The following STMN1 variants were observed in gnomAD, a reference collection of about 807,000 sequenced individuals.
STMN1 encodes stathmin 1.
Under a neutral mutation model 19.7 loss-of-function variants are expected in STMN1, and 3 were observed. That is an observed-to-expected ratio of 0.15 (90% CI 0.07 to 0.39). The LOEUF is 0.39. Ranked by LOEUF, STMN1 falls within the 10% of genes least tolerant of loss-of-function variation. The pLI is 1.00. For synonymous variants in STMN1, 59 were observed against 58.9 expected, an observed-to-expected ratio of 1.00 and a Z score of -0.01; for missense variants, 99 against 176.0, an observed-to-expected ratio of 0.56 and a Z score of 2.48.
At chr1:25,890,591 G>A (rs114725643) in intron 4 of STMN1, among the ~76,000 whole-genome samples, 53 of 152,338 alleles carry the variant, frequency 3.5e-4, no homozygotes, top group African/African-American at 1.2e-3. Flanking sequence ...CCAGGTTTCC[G>A]GCATTGTGCC....
intron 1 of STMN1, 112 bp from the exon 2 acceptor site, chr1:25,904,850 T>C: frequency 1.6e-6 from 1 of 617,892 alleles, no homozygotes; most frequent in Non-Finnish European, 2.6e-6. Flanking sequence ...ATACGTGGAA[T>C]AAAGACGTCT....
chr1:25,904,859 C>CT lies in STMN1; in HGVS notation c.-62-122dup, dbSNP rs529902463. 471 of 551,062 alleles carry CT rather than the reference C, an allele frequency of 8.5e-4. 2 individuals carry two copies. Among genetic ancestry groups the CT allele is most frequent in the Non-Finnish European group, 1.3e-3 (419 of 333,622 alleles). The allele number at this position is 551,062 out of a possible 1,614,324, so 34.1% of individuals were successfully genotyped here. The stretch of plus-strand genomic sequence containing the variant: ...AGAAAAATACGTGGAATAAAGACGT[C>CT]TAAATTAACCACGAAAAAAATTATC... On this transcript the variant is annotated intron_variant, in intron 1 of 4. Transcript: ENST00000455785.
Position 25,900,759 on chromosome 1 carries a change from A to T in STMN1, c.*257T>A. On this transcript the variant is annotated 3_prime_UTR_variant, in exon 5 of 5. Coordinates refer to ENST00000455785, the MANE Select transcript of STMN1 (RefSeq NM_005563.4). ...GCCATTAACCCAGTACACCAAGTGT[A>T]CTGAAGTAGAAAAGATGCAACAAGA... 2 of 1,299,472 alleles carry T rather than the reference A, an allele frequency of 1.5e-6. No individual in the cohort carries two copies. The highest frequency in any genetic ancestry group is 2.0e-6 in the Non-Finnish European group (2 of 1,023,868). 80.5% of individuals were successfully genotyped at this position (1,299,472 alleles called of 1,614,324 possible). A position where few individuals can be genotyped will look rare whatever the true frequency, so the allele number is the denominator to read the frequency against.
intron 4 of STMN1, chr1:25,889,227 A>G (rs1361584474): frequency 3.6e-6 from 1 of 277,344 alleles, no homozygotes; most frequent in African/African-American, 2.3e-5. Flanking sequence ...TTGGGAATAC[A>G]TTTTTCCTCT....
At chr1:25,892,320 C>T (rs1178851216) in intron 4 of STMN1, among the ~76,000 whole-genome samples, 2 of 148,080 alleles carry the variant, frequency 1.4e-5, no homozygotes, top group African/African-American at 2.5e-5. Context: ...ACCCAGGAGG[C>T]GGAGGTTGCA....
chr1:25,901,045 C>A lies in STMN1; in HGVS notation c.421G>T (p.Asp141Tyr). 1 of 1,577,118 alleles carries A rather than the reference C, an allele frequency of 6.3e-7. No individual in the cohort carries two copies. The highest frequency in any genetic ancestry group is 1.1e-5 in the South Asian group (1 of 90,252). The stretch of plus-strand genomic sequence containing the variant: ...TCAGCTTCAGTCTCGTCAGCAGGGT[C>A]TTTGGATTCTTTGTTCTTCCGCACT... ...EEVRKNKESK[D>Y]PADETEAD Residue 141 changes from aspartate (D) to tyrosine (Y), a missense_variant, in exon 5 of 5, where the codon GAC becomes TAC. Around this residue, in one of 3 missense-constraint regions of STMN1, gnomAD observed 54 missense variants for 79.4 expected, o/e 0.68. Transcript: ENST00000455785.
chr1:25,901,478 G>A lies in STMN1; in HGVS notation c.378+13C>T, dbSNP rs541858122. 1.9e-6 allele frequency: 3 copies of A among 1,600,054 alleles called. No homozygotes were observed. Among genetic ancestry groups the A allele is most frequent in the Admixed American group, 1.7e-5 (1 of 57,196 alleles). ...ACTCCAAGCTCAACCCTTTTACAAA[G>A]TAAGAAACCAACCTTCTCTCGCAAA... is the stretch of plus-strand genomic sequence containing the variant. On this transcript the variant is annotated intron_variant, in intron 4 of 4. Transcript: ENST00000455785.
chr1:25,887,599 T>C (rs1353574198), intron 4 of STMN1: 2 of 236,268 alleles, frequency 8.5e-6, no homozygotes, highest in Non-Finnish European at 1.7e-5. Flanking sequence ...AGGAAGAAAA[T>C]GGGGGAAGTG....
chr1:25,890,566 C>A (rs907942674), intron 4 of STMN1, among the ~76,000 whole-genome samples: 2 of 152,200 alleles, frequency 1.3e-5, no homozygotes, highest in Non-Finnish European at 1.5e-5. Context: ...TAATTACCTA[C>A]AGGTTGTGTT....
rs35416511 is a variant in STMN1 at position 25,906,235 on chromosome 1, CG to C, written c.-63+153del. ...GGCTCCGCCCGAGCCACACACAAAG[CG>C]GAGCGACCCCCGCCCACCAACCCCT... On this transcript the variant is annotated intron_variant, in intron 1 of 4. Transcript: ENST00000455785. This position sits in a 1 kb window ranked among gnomAD's most constrained non-coding sequence, Gnocchi z 4.5. 1 of 152,248 alleles carries C rather than the reference CG, an allele frequency of 6.6e-6. No homozygotes were observed. Among genetic ancestry groups the C allele is most frequent in the Non-Finnish European group, 1.5e-5 (1 of 68,078 alleles). 9.4% of individuals were successfully genotyped at this position (152,248 alleles called of 1,614,324 possible). A position where few individuals can be genotyped will look rare whatever the true frequency, so the allele number is the denominator to read the frequency against.
downstream of STMN1, among the ~76,000 whole-genome samples, chr1:25,899,204 C>T (rs975687983): frequency 7.2e-5 from 11 of 152,152 alleles, no homozygotes; most frequent in African/African-American, 2.4e-4. Flanking sequence ...CTCCTGAGGC[C>T]AGTTTCCCTC....
intron 4 of STMN1, among the ~76,000 whole-genome samples, chr1:25,893,173 C>A (rs577159746): frequency 7.9e-4 from 121 of 152,226 alleles, no homozygotes; most frequent in African/African-American, 2.8e-3. Context: ...GAAATTCCAG[C>A]CTCAGCTTTG....
chr1:25,904,068 C>T (rs906515878), intron 2 of STMN1, among the ~76,000 whole-genome samples: 3 of 152,088 alleles, frequency 2.0e-5, no homozygotes, highest in Non-Finnish European at 4.4e-5. Flanking sequence ...ATCCCAGCAC[C>T]GTGGGAGGCC....
chr1:25,895,366 A>G (rs1354671104), downstream of STMN1, among the ~76,000 whole-genome samples: 2 of 152,150 alleles, frequency 1.3e-5, no homozygotes, highest in African/African-American at 4.8e-5. Context: ...TCGGTCTCCC[A>G]AAGTGCTGGG....
chr1:25,906,396 G>C lies in STMN1; in HGVS notation c.-70C>G, dbSNP rs2124264436. 6.5e-6 allele frequency: 1 copy of C among 154,494 alleles called. No individual in the cohort carries two copies. The highest frequency in any genetic ancestry group is 2.0e-4 in the South Asian group (1 of 4,922). 9.6% of individuals were successfully genotyped at this position (154,494 alleles called of 1,614,324 possible). A position where few individuals can be genotyped will look rare whatever the true frequency, so the allele number is the denominator to read the frequency against. On this transcript the variant is annotated 5_prime_UTR_variant, in exon 1 of 5. Transcript: ENST00000455785. The surrounding 1 kb of genome is among the most constrained non-coding windows in gnomAD (Gnocchi z 4.5). ...TCCGAGCCCCGCACCCACCTGCTCAGTCCGAGCCGCCTGACCACACTCTGA... is the reference window on the plus strand; with the variant it reads ...TCCGAGCCCCGCACCCACCTGCTCACTCCGAGCCGCCTGACCACACTCTGA...
downstream of STMN1, among the ~76,000 whole-genome samples, chr1:25,898,195 G>A (rs1293872974): frequency 6.6e-6 from 1 of 152,242 alleles, no homozygotes; most frequent in Non-Finnish European, 1.5e-5. Flanking sequence ...CCTGCCAAAG[G>A]CCATTAACTA....
At chr1:25,884,473 A>C (rs1319792516), downstream of STMN1, 3 of 152,072 alleles carry the variant, frequency 2.0e-5, no homozygotes, top group Non-Finnish European at 2.9e-5. Flanking sequence ...GAGGTGGGTG[A>C]ATCACGAGGT....
chr1:25,892,616 A>G (rs926447942), intron 4 of STMN1: 2 of 985,128 alleles, frequency 2.0e-6, no homozygotes, highest in African/African-American at 1.7e-5. Flanking sequence ...TTGAGATTCT[A>G]AACAACCGCC....
In STMN1 at chr1:25,900,737, A is replaced by G; in HGVS notation, c.*279T>C. ...TCACAGAGCCAATACAGTACTAGCC[A>G]TTAACCCAGTACACCAAGTGTACTG... On this transcript the variant is annotated 3_prime_UTR_variant, in exon 5 of 5. Coordinates refer to ENST00000455785, the MANE Select transcript of STMN1 (RefSeq NM_005563.4). 1 of 1,242,064 alleles carries G rather than the reference A, an allele frequency of 8.1e-7. No individual in the cohort carries two copies. The highest frequency in any genetic ancestry group is 1.0e-6 in the Non-Finnish European group (1 of 989,658). The allele number at this position is 1,242,064 out of a possible 1,614,324, so 76.9% of individuals were successfully genotyped here. A position where few individuals can be genotyped will look rare whatever the true frequency, so the allele number is the denominator to read the frequency against.
Sources: allele counts gnomAD v4.1 joint callset (sites outside exome capture counted in the v4.1 genomes callset), GRCh38; gene constraint gnomAD v4.1.1; regional missense constraint gnomAD v4.1.1; non-coding constraint Gnocchi (gnomAD v3.1); transcripts MANE v1.5; gene names NCBI Gene and HGNC (gene_info 2026-07-23, HGNC 2026-07-21).